The following TINAG variants were observed in gnomAD, a reference collection of about 807,000 sequenced individuals.
The protein encoded by TINAG is tubulointerstitial nephritis antigen.
Under a neutral mutation model 72.7 loss-of-function variants are expected in TINAG, and 83 were observed. The observed-to-expected ratio is 1.14, with a 90% confidence interval of 0.96 to 1.37. The LOEUF is 1.37. Among genes scored for constraint, TINAG ranks in the 40% most tolerant of loss-of-function variants. The pLI is 0.00. For synonymous variants in TINAG, 234 were observed against 189.9 expected (o/e 1.23, Z -1.91); for missense variants, 685 against 576.6 (o/e 1.19, Z -1.93).
chr6:54,320,777 C>T (rs1490443043), intron 2 of TINAG, 135 bp downstream of exon 2: 2 of 601,182 alleles, frequency 3.3e-6, no homozygotes, highest in East Asian at 2.9e-5. Context: ...ACATCATGTA[C>T]CTGTAACTTT....
chr6:54,382,743 A>G (rs146064254), intron 10 of TINAG, among the ~76,000 whole-genome samples: 2,190 of 152,206 alleles, frequency 0.014, 52 homozygotes, highest in African/African-American at 0.05. Flanking sequence ...GATAAGAACC[A>G]ATAAAATTTG....
chr6:54,376,017 A>G lies in TINAG; in HGVS notation c.1251-4509A>G, dbSNP rs373439855. On this transcript the variant is annotated intron_variant, in intron 9 of 10. Transcript: ENST00000259782. ...ACTCCCATCCCTTTTCTTCAGTCAC[A>G]CTGGACTAAGTGCTGCTCCTAGAAT... 9.6e-4 allele frequency among the ~76,000 whole-genome samples: 146 copies of G among 152,234 alleles called. 2 individuals are homozygous for G. The South Asian group carries it at 0.029, about 30-fold the overall frequency.
chr6:54,322,172 G>C (rs1026412802), intron 3 of TINAG, among the ~76,000 whole-genome samples: 3 of 152,068 alleles, frequency 2.0e-5, no homozygotes, highest in Admixed American at 1.3e-4. Flanking sequence ...GCTGGGCATG[G>C]TGGTGCATGC....
chr6:54,358,788 C>T (rs1165692714), intron 9 of TINAG, among the ~76,000 whole-genome samples: 2 of 151,814 alleles, frequency 1.3e-5, no homozygotes, highest in Admixed American at 6.6e-5. Context: ...AAGGGCTGGC[C>T]TGGACTTTGG....
Position 54,326,890 on chromosome 6 carries a change from A to G in TINAG, c.598A>G (p.Met200Val). ...FRLGTLPPSP[M>V]LLSMNEMTAS... ...CCTTGGCACTTTGCCACCTAGTCCC[A>G]TGCTCCTGAGCATGAATGAAATGAC... Residue 200 changes from methionine to valine, a missense_variant, in exon 4 of 11, where the codon ATG becomes GTG. By Grantham distance (21) the Met-to-Val change is conservative. Transcript: ENST00000259782. 1 of 1,612,644 alleles carries G rather than the reference A, an allele frequency of 6.2e-7. No homozygotes were observed. The highest frequency in any genetic ancestry group is 8.5e-7 in the Non-Finnish European group (1 of 1,179,680).
intron 1 of TINAG, among the ~76,000 whole-genome samples, chr6:54,314,105 C>T (rs1040863556): frequency 6.6e-6 from 1 of 152,098 alleles, no homozygotes; most frequent in Admixed American, 6.6e-5. Context: ...GAGTATCACC[C>T]AGGAAAGTTG....
chr6:54,369,437 T>C (rs1330530795), intron 9 of TINAG, among the ~76,000 whole-genome samples: 3 of 151,976 alleles, frequency 2.0e-5, no homozygotes, highest in Non-Finnish European at 2.9e-5. Context: ...AGAGCACACA[T>C]ATATATGATA....
chr6:54,355,185 C>T (rs549772179), intron 9 of TINAG, among the ~76,000 whole-genome samples: 3 of 151,804 alleles, frequency 2.0e-5, no homozygotes, highest in Non-Finnish European at 4.4e-5. Context: ...TACAAGTAGG[C>T]TGTACTCTGA....
intron 10 of TINAG, among the ~76,000 whole-genome samples, chr6:54,385,673 G>C (rs986096505): frequency 2.6e-5 from 4 of 151,588 alleles, no homozygotes; most frequent in African/African-American, 9.7e-5. Flanking sequence ...ACCAAAACTT[G>C]ATAAGACAAT....
intron 7 of TINAG, 137 bp from the exon 8 acceptor site, chr6:54,351,214 AT>A: frequency 1.5e-6 from 1 of 662,420 alleles, no homozygotes; most frequent in Non-Finnish European, 2.5e-6. Flanking sequence ...TAACAATTTC[AT>A]TAATGTAGCA....
intron 9 of TINAG, among the ~76,000 whole-genome samples, chr6:54,366,618 G>A (rs1185419802): frequency 2.0e-5 from 3 of 151,238 alleles, no homozygotes; most frequent in African/African-American, 7.3e-5. Context: ...GAGAGAGAGA[G>A]AGAGAAGAAA....
intron 9 of TINAG, among the ~76,000 whole-genome samples, chr6:54,375,965 C>A (rs1336518851): frequency 6.6e-6 from 1 of 152,106 alleles, no homozygotes; most frequent in Non-Finnish European, 1.5e-5. Context: ...AGGACTGAGC[C>A]ACACCTGCCT....
intron 4 of TINAG, 100 bp from the exon 5 acceptor site, chr6:54,343,126 T>C: frequency 9.2e-7 from 1 of 1,084,634 alleles, no homozygotes; most frequent in African/African-American, 1.6e-5. Flanking sequence ...ATGTATAAAA[T>C]AATTTAAAAA....
intron 10 of TINAG, among the ~76,000 whole-genome samples, chr6:54,382,545 A>G (rs1194155068): frequency 6.6e-6 from 1 of 152,126 alleles, no homozygotes; most frequent in Non-Finnish European, 1.5e-5. Context: ...TTTGTGAAGA[A>G]TTGTGAAAGG....
chr6:54,364,808 T>C (rs1225892183), intron 9 of TINAG, among the ~76,000 whole-genome samples: 1 of 151,378 alleles, frequency 6.6e-6, no homozygotes, highest in Admixed American at 6.6e-5. Context: ...TCTATCTAGC[T>C]CTGGTTAAAG....
rs1199371613 is a variant in TINAG, at chr6:54,343,213, T to A, written c.625-13T>A. 6.5e-7 allele frequency: 1 copy of A among 1,536,736 alleles called. No homozygotes were observed. Among genetic ancestry groups the A allele is most frequent in the African/African-American group, 1.4e-5 (1 of 72,010 alleles). ...GAGAAAATCTCATATATGTACCTCT[T>A]CTTCCTCTTTAGGCTTCTTTACCTG... On this transcript the variant is annotated splice_polypyrimidine_tract_variant and intron_variant, in intron 4 of 10. Transcript: ENST00000259782.
chr6:54,322,353 TA>T (rs1242330993), intron 3 of TINAG, among the ~76,000 whole-genome samples: 2 of 150,656 alleles, frequency 1.3e-5, no homozygotes, highest in East Asian at 1.9e-4. Flanking sequence ...ACAAGAAACA[TA>T]AAAAGATACA....
At chr6:54,340,172 G>A (rs1562160615) in intron 4 of TINAG, among the ~76,000 whole-genome samples, 1 of 151,972 alleles carries the variant, frequency 6.6e-6, no homozygotes, top group Non-Finnish European at 1.5e-5. Context: ...CTGAAACAGG[G>A]AGACTGTTCA....
chr6:54,359,830 A>G (rs1166274945), intron 9 of TINAG, among the ~76,000 whole-genome samples: 2 of 151,878 alleles, frequency 1.3e-5, no homozygotes, highest in Non-Finnish European at 2.9e-5. Context: ...TTTGGTAATT[A>G]CTACATTCAA....
Sources: gnomAD v4.1 joint callset for allele counts (sites outside exome capture counted in the v4.1 genomes callset) on GRCh38, gnomAD v4.1.1 for gene constraint, MANE v1.5 for transcripts, NCBI Gene and HGNC (gene_info 2026-07-23, HGNC 2026-07-21) for gene names.